The following NASP variants were observed in gnomAD, a reference collection of about 807,000 sequenced individuals.
NASP encodes the protein nuclear autoantigenic sperm protein, also known as NASP histone chaperone.
A neutral mutation model predicts 89.5 loss-of-function variants in NASP; 24 were observed. The ratio of observed to expected loss-of-function variants is 0.27; its 90% CI spans 0.19 to 0.38. The LOEUF (loss-of-function observed/expected upper bound fraction) is 0.38. NASP is among the 10% of genes least tolerant of loss of function. NASP has a pLI of 1.00. For synonymous variants in NASP, 306 were observed against 324.7 expected, an observed-to-expected ratio of 0.94 and a Z score of 0.62; for missense variants, 848 against 921.4, an observed-to-expected ratio of 0.92 and a Z score of 1.03.
chr1:45,613,024 A>G, intron 6 of NASP, 145 bp from the exon 7 acceptor site: 1 of 1,174,434 alleles, frequency 8.5e-7, no homozygotes, highest in Non-Finnish European at 1.1e-6. Flanking sequence ...CCCACTGACG[A>G]TATATTCAGT....
chr1:45,604,835 A>T (rs1643888808), intron 3 of NASP, 101 bp from the exon 4 acceptor site: 2 of 887,252 alleles, frequency 2.3e-6, no homozygotes, highest in Non-Finnish European at 3.5e-6. Context: ...GTTTTCTAGG[A>T]GTATGTTACT....
At chr1:45,586,364 C>T (rs1342316586) in intron 1 of NASP, among the ~76,000 whole-genome samples, 1 of 151,562 alleles carries the variant, frequency 6.6e-6, no homozygotes, top group East Asian at 1.9e-4. Flanking sequence ...CGGCCCACAG[C>T]AGCCCCTACC....
chr1:45,617,234 C>CCTAT, intron 13 of NASP: 1 of 475,282 alleles, frequency 2.1e-6, no homozygotes, highest in Non-Finnish European at 3.7e-6. Context: ...TCACCCCAAC[C>CCTAT]CTATCTCCCT....
intron 4 of NASP, among the ~76,000 whole-genome samples, chr1:45,605,292 G>C (rs1643893584): frequency 6.6e-6 from 1 of 152,160 alleles, no homozygotes; most frequent in African/African-American, 2.4e-5. Flanking sequence ...TCAAAACAAG[G>C]ACTGAATAGA....
At chr1:45,610,876 C>T (rs1017374889) in intron 6 of NASP, 4 of 152,134 alleles carry the variant, frequency 2.6e-5, no homozygotes, top group Non-Finnish European at 5.9e-5. Flanking sequence ...TCCCCAGGCC[C>T]GACTAATTTT....
Position 45,584,063 on chromosome 1 carries a change from CCT to C in NASP, c.-83_-82del. ...GGTCTCTAATCTGCCATTTTCTGTC[CCT>C]GAGTGAGTCTCTGGCGTCCCAAATT... On this transcript the variant is annotated 5_prime_UTR_variant, in exon 1 of 15. Transcript: ENST00000350030. The C allele has an allele frequency of 1.5e-6, 2 of 1,334,350 alleles. No homozygotes were observed. The highest frequency in any genetic ancestry group is 2.1e-6 in the Non-Finnish European group (2 of 956,416). 82.7% of individuals were successfully genotyped at this position (1,334,350 alleles called of 1,614,324 possible).
chr1:45,586,286 T>TGTGTGTGTGTGTGGG (rs1557646548), intron 1 of NASP, among the ~76,000 whole-genome samples: 19 of 88,372 alleles, frequency 2.1e-4, no homozygotes, highest in African/African-American at 7.4e-4. Flanking sequence ...GTGTGTGTGG[T>TGTGTGTGTGTGTGGG]GTGTGTGTGT....
intron 1 of NASP, among the ~76,000 whole-genome samples, chr1:45,585,029 C>A (rs1032023512): frequency 1.3e-5 from 2 of 152,214 alleles, no homozygotes; most frequent in African/African-American, 4.8e-5. Flanking sequence ...GGAGCTCTCA[C>A]CAGCACTGTT....
intron 9 of NASP, 155 bp from the exon 10 acceptor site, chr1:45,614,858 T>C (rs2991985): frequency 0.49 from 347,341 of 709,714 alleles, 85,784 homozygotes; most frequent in East Asian, 0.64. Context: ...TTAAAAGTCA[T>C]TTTGACTTTC....
rs373922767 is a variant in NASP at position 45,607,378 on chromosome 1, A to C, written c.467A>C (p.Glu156Ala). 127 of 1,614,028 alleles carry C rather than the reference A, an allele frequency of 7.9e-5. No homozygotes were observed. Among genetic ancestry groups the C allele is most frequent in the Non-Finnish European group, 9.9e-5 (117 of 1,179,992 alleles). The change falls in exon 6 of 15, where the codon GAA becomes GCA. Residue 156 changes from glutamate (E) to alanine (A), a missense_variant. This residue lies in a region of NASP where 464 missense variants were observed against 469.4 expected (regional missense o/e 0.99). Transcript: ENST00000350030. ...TATGACGCCATGGGAGAAAAAGAAG[A>C]AGCCAAAAAAACAGAAGACAAGTCT... is the stretch of plus-strand genomic sequence containing the variant. Reference protein sequence around the residue: ...QVYDAMGEKEEAKKTEDKSLA... With the variant: ...QVYDAMGEKEAAKKTEDKSLA...
rs1312927441 is a variant in NASP, at chr1:45,586,306, T to TGTGTGG, written c.59+2104_59+2105insTGGGTG. On this transcript the variant is annotated intron_variant, in intron 1 of 14. Transcript: ENST00000350030. ...TGTGGTGTGTGTGTGTGTGTGTGTG[T>TGTGTGG]GTGGTGTGTGTGTGTGTCACCCAGG... Among the ~76,000 whole-genome samples, 50 of 130,958 alleles carry TGTGTGG rather than the reference T, an allele frequency of 3.8e-4. 2 individuals are homozygous for TGTGTGG. The East Asian group carries it at 6.3e-3, about 17-fold the overall frequency. The allele number at this position is 130,958 out of a possible 152,430, so 85.9% of individuals were successfully genotyped here. A position where few individuals can be genotyped will look rare whatever the true frequency, so the allele number is the denominator to read the frequency against.
intron 2 of NASP, among the ~76,000 whole-genome samples, chr1:45,596,036 G>A (rs980131869): frequency 2.0e-5 from 3 of 152,144 alleles, no homozygotes; most frequent in Non-Finnish European, 2.9e-5. Context: ...TTGATACTTA[G>A]CAGATGTTTT....
chr1:45,616,587 A>C, intron 12 of NASP, 39 bp from the exon 13 acceptor site: 1 of 1,590,680 alleles, frequency 6.3e-7, no homozygotes, highest in African/African-American at 1.3e-5. Flanking sequence ...TTGATCTCAT[A>C]TAGCTTGTAC....
intron 2 of NASP, chr1:45,600,560 G>T: frequency 4.0e-6 from 3 of 743,062 alleles, no homozygotes; most frequent in Non-Finnish European, 5.2e-6. Context: ...TTTTGTTAGT[G>T]AATGACATTT....
At position 45,618,088 on chromosome 1, in the gene NASP, G is replaced by A. The variant is rs1557669307; in HGVS notation, c.2314G>A (p.Ala772Thr). Residue 772 changes from alanine (A) to threonine (T), a missense_variant, in exon 15 of 15, where the codon GCA becomes ACA. By Grantham distance (58) the Ala-to-Thr change is moderately conservative (BLOSUM62 0). Coordinates refer to ENST00000350030, the MANE Select transcript of NASP (RefSeq NM_002482.4). ...EAENQAESRA[A>T]VEGTVEAGAT... is the part of the protein sequence containing the mutation. Reference sequence around the variant, plus strand: ...TGAGAATCAGGCTGAAAGCCGGGCAGCAGTGGAGGGGACAGTGGAGGCTGG... The same window carrying A: ...TGAGAATCAGGCTGAAAGCCGGGCAACAGTGGAGGGGACAGTGGAGGCTGG... 1 of 1,603,498 alleles carries A rather than the reference G, an allele frequency of 6.2e-7. No homozygotes were observed. The highest frequency in any genetic ancestry group is 1.3e-5 in the African/African-American group (1 of 74,892).
At chr1:45,584,273 C>A in intron 1 of NASP, 68 bp downstream of exon 1, 1 of 1,445,288 alleles carries the variant, frequency 6.9e-7, no homozygotes, top group Non-Finnish European at 9.5e-7. Context: ...ACGGGGGCTC[C>A]GGAGAAGGGG....
At chr1:45,603,605 A>T (rs368975976) in intron 3 of NASP, among the ~76,000 whole-genome samples, 12 of 119,044 alleles carry the variant, frequency 1.0e-4, no homozygotes, top group African/African-American at 2.6e-4. Context: ...GTATTTAGAG[A>T]TTTTTTTTTT....
Position 45,615,010 on chromosome 1 carries a change from T to C in NASP, c.1667-3T>C. On this transcript the variant is annotated splice_region_variant and splice_polypyrimidine_tract_variant and intron_variant, in intron 9 of 14. Transcript: ENST00000350030. ...TACTTGCTCTTCTTTTTCTCTTTGTTAGAAAACTATGTGCAAGCTGTGGAG... is the reference window on the plus strand; with the variant it reads ...TACTTGCTCTTCTTTTTCTCTTTGTCAGAAAACTATGTGCAAGCTGTGGAG... The C allele has an allele frequency of 6.2e-7, 1 of 1,605,658 alleles. No homozygotes were observed. The highest frequency in any genetic ancestry group is 8.5e-7 in the Non-Finnish European group (1 of 1,176,864).
chr1:45,605,604 A>T (rs1446633962), intron 4 of NASP: 10 of 152,044 alleles, frequency 6.6e-5, no homozygotes, highest in African/African-American at 2.4e-4. Flanking sequence ...CTGGGACTAC[A>T]GGCATGTGTC....
Sources: gnomAD v4.1 joint callset for allele counts (sites outside exome capture counted in the v4.1 genomes callset) on GRCh38, gnomAD v4.1.1 for gene constraint, gnomAD v4.1.1 regional missense constraint, MANE v1.5 for transcripts, NCBI Gene and HGNC (gene_info 2026-07-23, HGNC 2026-07-21) for gene names.